PSD3: variants seen among roughly 807,000 people sequenced by gnomAD.
PSD3 encodes the protein PH and SEC7 domain-containing protein 3.
PSD3 carries 49 observed loss-of-function variants against 105.5 expected under a neutral mutation model. The observed-to-expected ratio is 0.46, with a 90% CI of 0.37 to 0.59. The LOEUF is 0.59. Ranked by LOEUF, PSD3 falls within the 20% of genes least tolerant of loss-of-function variation. The pLI is 0.00. For synonymous variants in PSD3, 557 were observed against 457.8 expected (o/e 1.22, Z -2.77); for missense variants, 1,561 against 1,263.8 (o/e 1.24, Z -3.57).
chr8:18,711,658 T>C (rs1802264788), intron 9 of PSD3, among the ~76,000 whole-genome samples: 1 of 152,132 alleles, frequency 6.6e-6, no homozygotes, highest in Admixed American at 6.5e-5. Flanking sequence ...CAAAGAGACT[T>C]AGACTCCCAC....
intron 1 of PSD3, among the ~76,000 whole-genome samples, chr8:19,064,965 A>C (rs781284795): frequency 6.6e-6 from 1 of 152,200 alleles, no homozygotes; most frequent in Admixed American, 6.5e-5. Flanking sequence ...CCAAACCAAA[A>C]TGGAGTCATT....
At chr8:18,950,047 G>C (rs1823140945) in intron 1 of PSD3, among the ~76,000 whole-genome samples, 1 of 152,148 alleles carries the variant, frequency 6.6e-6, no homozygotes, top group Non-Finnish European at 1.5e-5. Context: ...GCTTCAGGGA[G>C]GTTCTGAGGG....
intron 3 of PSD3, 101 bp from the exon 4 acceptor site, chr8:18,868,170 C>G: frequency 1.7e-5 from 21 of 1,261,536 alleles, no homozygotes; most frequent in Non-Finnish European, 2.3e-5. Flanking sequence ...AGATCTAACT[C>G]TTCTATTCAT....
chr8:18,889,779 T>C (rs141519386), intron 2 of PSD3, among the ~76,000 whole-genome samples: 7,035 of 152,200 alleles, frequency 0.046, 197 homozygotes, highest in Admixed American at 0.083. Context: ...CCTGAATTTT[T>C]AAAAACCCCA....
intron 4 of PSD3, among the ~76,000 whole-genome samples, chr8:18,841,558 G>C (rs891884040): frequency 6.6e-6 from 1 of 152,090 alleles, no homozygotes; most frequent in African/African-American, 2.4e-5. Flanking sequence ...GTCTCATGTG[G>C]AAGAGCAGGC....
intron 4 of PSD3, among the ~76,000 whole-genome samples, chr8:18,867,238 G>C (rs1414847995): frequency 6.6e-6 from 1 of 152,218 alleles, no homozygotes. Flanking sequence ...AGACTTTGCT[G>C]ACTGTATAGT....
intron 4 of PSD3, among the ~76,000 whole-genome samples, chr8:18,818,580 G>T (rs1016500610): frequency 6.6e-6 from 1 of 152,058 alleles, no homozygotes; most frequent in Non-Finnish European, 1.5e-5. Context: ...AGCTGGAACA[G>T]ATTCAGTTAT....
intron 1 of PSD3, among the ~76,000 whole-genome samples, chr8:19,032,313 T>C (rs1003382162): frequency 1.3e-4 from 20 of 152,268 alleles, no homozygotes; most frequent in African/African-American, 4.3e-4. Flanking sequence ...CTATCACTCG[T>C]GTTCATATGT....
intron 1 of PSD3, among the ~76,000 whole-genome samples, chr8:19,082,543 T>G (rs1267980272): frequency 6.6e-6 from 1 of 152,136 alleles, no homozygotes; most frequent in Non-Finnish European, 1.5e-5. Flanking sequence ...AACCTTTAAC[T>G]TAGACCGAGC....
chr8:18,987,348 C>T (rs372937533), intron 1 of PSD3, among the ~76,000 whole-genome samples: 1 of 151,246 alleles, frequency 6.6e-6, no homozygotes, highest in South Asian at 2.1e-4. Context: ...AGTGCAGTGG[C>T]GCAATCTCGG....
At chr8:18,932,136 C>G (rs1821789942) in intron 2 of PSD3, among the ~76,000 whole-genome samples, 1 of 152,208 alleles carries the variant, frequency 6.6e-6, no homozygotes, top group South Asian at 2.1e-4. Flanking sequence ...AAACCCTGAG[C>G]TGTGTATTTA....
At chr8:18,626,250 TA>T (rs1224269546) in intron 11 of PSD3, among the ~76,000 whole-genome samples, 13 of 147,986 alleles carry the variant, frequency 8.8e-5, no homozygotes, top group Admixed American at 2.0e-4. Context: ...TAAAGTTAAT[TA>T]AAAAAAAAAG....
intron 4 of PSD3, among the ~76,000 whole-genome samples, chr8:18,837,709 C>T (rs530198946): frequency 2.6e-5 from 4 of 152,284 alleles, no homozygotes; most frequent in East Asian, 3.9e-4. Flanking sequence ...GAGGCTGAAA[C>T]AGGAGAATCA....
chr8:18,918,555 C>T (rs561151756), intron 2 of PSD3, among the ~76,000 whole-genome samples: 32 of 152,316 alleles, frequency 2.1e-4, no homozygotes, highest in African/African-American at 7.5e-4. Context: ...AAAGTAAATA[C>T]TTCCAGGAAT....
intron 4 of PSD3, among the ~76,000 whole-genome samples, chr8:18,843,265 G>A (rs1814803060): frequency 1.3e-5 from 2 of 151,370 alleles, no homozygotes; most frequent in Admixed American, 1.3e-4. Flanking sequence ...GGAGGCTGAG[G>A]CAGGAGAATG....
intron 9 of PSD3, 65 bp downstream of exon 9, chr8:18,765,384 G>T: frequency 1.4e-6 from 2 of 1,396,374 alleles, no homozygotes; most frequent in Non-Finnish European, 2.0e-6. Context: ...GCCTACTTAG[G>T]ATTAAGCTGT....
intron 1 of PSD3, among the ~76,000 whole-genome samples, chr8:18,978,581 G>A (rs1274847759): frequency 6.6e-6 from 1 of 152,100 alleles, no homozygotes; most frequent in Non-Finnish European, 1.5e-5. Flanking sequence ...TGGACTAGAG[G>A]CAATAAACAC....
chr8:18,729,417 A>G (rs1171957443), intron 9 of PSD3, among the ~76,000 whole-genome samples: 2 of 152,192 alleles, frequency 1.3e-5, no homozygotes, highest in Non-Finnish European at 2.9e-5. Flanking sequence ...CAAATGTGGG[A>G]CCTTGTGTAA....
intron 6 of PSD3, among the ~76,000 whole-genome samples, chr8:18,801,984 T>C: frequency 6.6e-6 from 1 of 152,232 alleles, no homozygotes; most frequent in East Asian, 1.9e-4. Context: ...CAAAGACCGC[T>C]TAAGACTCAA....
Sources: allele counts gnomAD v4.1 joint callset (sites outside exome capture counted in the v4.1 genomes callset), GRCh38; gene constraint gnomAD v4.1.1; transcripts MANE v1.5; gene names NCBI Gene and HGNC (gene_info 2026-07-23, HGNC 2026-07-21).